Variants in PRKAR2B observed in about 807,000 individuals in gnomAD.
The protein encoded by PRKAR2B is protein kinase cAMP-dependent type II regulatory subunit beta.
In PRKAR2B, 14 loss-of-function variants were observed where a neutral mutation model predicts 49.9. The observed-to-expected ratio is 0.28, with a 90% confidence interval of 0.19 to 0.44. The LOEUF is 0.44. Among genes scored for constraint, PRKAR2B ranks in the 20% least tolerant of loss-of-function variants. The probability of loss-of-function intolerance (pLI) is 1.00; values close to 1 mark genes in which losing one functional copy is unlikely to be tolerated. For missense variants in PRKAR2B, 393 were observed against 537.9 expected, an observed-to-expected ratio of 0.73 and a Z score of 2.67; for synonymous variants, 196 against 197.7, an observed-to-expected ratio of 0.99 and a Z score of 0.07.
intron 3 of PRKAR2B, among the ~76,000 whole-genome samples, chr7:107,125,244 C>T (rs2115594682): frequency 6.6e-6 from 1 of 152,236 alleles, no homozygotes; most frequent in East Asian, 1.9e-4. Flanking sequence ...ACCTTGTGGA[C>T]TGGATGACAT....
chr7:107,053,565 TGTGTC>T (rs1562840722), intron 1 of PRKAR2B, among the ~76,000 whole-genome samples: 2 of 151,708 alleles, frequency 1.3e-5, no homozygotes, highest in African/African-American at 4.8e-5. Flanking sequence ...TGTGTGTGTG[TGTGTC>T]TTTTTTAAAA....
chr7:107,144,816 C>A (rs1795860032), intron 5 of PRKAR2B, among the ~76,000 whole-genome samples: 2 of 126,208 alleles, frequency 1.6e-5, no homozygotes, highest in African/African-American at 3.2e-5. Context: ...TTTTTTTTAG[C>A]AGCACGTCCC....
intron 1 of PRKAR2B, chr7:107,069,617 G>A (rs536277872): frequency 5.9e-5 from 9 of 152,166 alleles, no homozygotes; most frequent in African/African-American, 9.7e-5. Flanking sequence ...GAGTTGAGTC[G>A]GAGGAGTGGG....
At chr7:107,085,878 G>A (rs1794609878) in intron 2 of PRKAR2B, among the ~76,000 whole-genome samples, 1 of 152,126 alleles carries the variant, frequency 6.6e-6, no homozygotes, top group Non-Finnish European at 1.5e-5. Flanking sequence ...GCATAGTTTT[G>A]CAAGTACATC....
chr7:107,070,177 T>C (rs1161119825), intron 1 of PRKAR2B, 104 bp from the exon 2 acceptor site: 1 of 720,430 alleles, frequency 1.4e-6, no homozygotes, highest in African/African-American at 1.8e-5. Context: ...TATTCATCTT[T>C]TTCTTTAGTT....
chr7:107,100,631 A>G (rs1044180547), intron 2 of PRKAR2B, among the ~76,000 whole-genome samples: 1 of 152,168 alleles, frequency 6.6e-6, no homozygotes, highest in Non-Finnish European at 1.5e-5. Context: ...TACTTAGGCT[A>G]GTATACTTGA....
intron 8 of PRKAR2B, among the ~76,000 whole-genome samples, chr7:107,156,533 C>T (rs886192369): frequency 3.9e-5 from 6 of 152,046 alleles, no homozygotes; most frequent in Non-Finnish European, 5.9e-5. Flanking sequence ...GGGCCGGGCT[C>T]GGTGGCTCAC....
chr7:107,118,745 C>G (rs2115576810), intron 2 of PRKAR2B, among the ~76,000 whole-genome samples: 1 of 152,236 alleles, frequency 6.6e-6, no homozygotes, highest in South Asian at 2.1e-4. Context: ...TTAGTTGAGG[C>G]TGGAGAGAAG....
At chr7:107,078,200 TC>T (rs1794439451) in intron 2 of PRKAR2B, 1 of 37,678 alleles carries the variant, frequency 2.7e-5, no homozygotes. Context: ...TGATACTCCA[TC>T]AAAAAAAAAA....
intron 4 of PRKAR2B, among the ~76,000 whole-genome samples, chr7:107,135,768 C>T (rs1207944314): frequency 6.6e-6 from 1 of 151,888 alleles, no homozygotes; most frequent in Non-Finnish European, 1.5e-5. Flanking sequence ...ATAGGAAGAC[C>T]CACTATTGTC....
intron 2 of PRKAR2B, among the ~76,000 whole-genome samples, chr7:107,103,299 C>T (rs555890976): frequency 6.6e-6 from 1 of 152,272 alleles, no homozygotes; most frequent in African/African-American, 2.4e-5. Context: ...TTAAAACATT[C>T]ACTTAAAAAG....
chr7:107,096,901 A>G (rs1794849683), intron 2 of PRKAR2B, among the ~76,000 whole-genome samples: 1 of 152,082 alleles, frequency 6.6e-6, no homozygotes, highest in South Asian at 2.1e-4. Context: ...CAGTTCTTTT[A>G]CACTTGCTGA....
intron 2 of PRKAR2B, among the ~76,000 whole-genome samples, chr7:107,074,226 C>T (rs901596482): frequency 6.6e-6 from 1 of 151,964 alleles, no homozygotes; most frequent in African/African-American, 2.4e-5. Context: ...AAGCAATTCT[C>T]TCAAGTAGCT....
intron 2 of PRKAR2B, among the ~76,000 whole-genome samples, chr7:107,121,383 TAC>T (rs1795385027): frequency 6.6e-6 from 1 of 152,188 alleles, no homozygotes; most frequent in African/African-American, 2.4e-5. Flanking sequence ...TGATAATCTT[TAC>T]ACAGTGTTTC....
chr7:107,120,758 A>T (rs1584438955), intron 2 of PRKAR2B, among the ~76,000 whole-genome samples: 1 of 152,110 alleles, frequency 6.6e-6, no homozygotes, highest in Non-Finnish European at 1.5e-5. Context: ...ATATCATGAC[A>T]TTAAAAATAA....
intron 1 of PRKAR2B, among the ~76,000 whole-genome samples, chr7:107,054,953 C>T (rs1793881077): frequency 1.3e-5 from 2 of 152,100 alleles, no homozygotes; most frequent in African/African-American, 4.8e-5. Flanking sequence ...CTAATGCCAT[C>T]CCTCCCCCAT....
At chr7:107,067,030 A>G (rs1367760519) in intron 1 of PRKAR2B, 1 of 152,380 alleles carries the variant, frequency 6.6e-6, no homozygotes, top group African/African-American at 2.4e-5. Flanking sequence ...CCTGTCTGCC[A>G]CTTGGGTGGT....
intron 1 of PRKAR2B, among the ~76,000 whole-genome samples, chr7:107,065,162 C>T (rs2244846): frequency 1.3e-5 from 2 of 152,160 alleles, no homozygotes; most frequent in South Asian, 2.1e-4. Context: ...GATTAATGGG[C>T]GGATAAGGAT....
At chr7:107,064,228 G>T (rs1794084922) in intron 1 of PRKAR2B, among the ~76,000 whole-genome samples, 1 of 152,106 alleles carries the variant, frequency 6.6e-6, no homozygotes, top group African/African-American at 2.4e-5. Context: ...AAATCCTCAT[G>T]AATTAAGAAC....
Sources: allele counts gnomAD v4.1 joint callset (sites outside exome capture counted in the v4.1 genomes callset), GRCh38; gene constraint gnomAD v4.1.1; transcripts MANE v1.5; gene names NCBI Gene and HGNC (gene_info 2026-07-23, HGNC 2026-07-21).